The following DISP1 variants were observed in gnomAD, a reference collection of about 807,000 sequenced individuals.
DISP1 encodes the protein protein dispatched homolog 1.
In DISP1, 30 loss-of-function variants were observed where a neutral mutation model predicts 37.3. That is an observed-to-expected ratio of 0.80 (90% CI 0.60 to 1.09). The LOEUF (loss-of-function observed/expected upper bound fraction) is 1.09, where lower values mean the gene tolerates loss of function less well. Among genes scored for constraint, DISP1 ranks in the 50% least tolerant of loss-of-function variants. The probability of loss-of-function intolerance (pLI) is 0.00; values close to 1 mark genes in which losing one functional copy is unlikely to be tolerated. For synonymous variants in DISP1, 634 were observed against 690.2 expected, an observed-to-expected ratio of 0.92 and a Z score of 1.28; for missense variants, 1,598 against 1,879.5, an observed-to-expected ratio of 0.85 and a Z score of 2.77.
At chr1:222,825,667 A>AT (rs1287844677) in intron 1 of DISP1, among the ~76,000 whole-genome samples, 17 of 151,654 alleles carry the variant, frequency 1.1e-4, no homozygotes, top group African/African-American at 3.4e-4. Context: ...CACCTGGCTA[A>AT]TTTTTTTGTA....
intron 1 of DISP1, chr1:222,823,915 G>A (rs901856959): frequency 6.6e-6 from 1 of 150,920 alleles, no homozygotes; most frequent in Non-Finnish European, 1.5e-5. Context: ...ATAATGGGAG[G>A]AGACAGGACC....
chr1:222,918,822 A>C (rs1449758702), intron 1 of DISP1, among the ~76,000 whole-genome samples: 1 of 152,234 alleles, frequency 6.6e-6, no homozygotes, highest in African/African-American at 2.4e-5. Context: ...CCCCGGGGTA[A>C]TTAACCAAAG....
chr1:222,936,618 T>G (rs1161696231), intron 2 of DISP1, among the ~76,000 whole-genome samples: 10 of 100,568 alleles, frequency 9.9e-5, no homozygotes, highest in South Asian at 3.1e-4. Flanking sequence ...ATATATGAGA[T>G]ATATATATCT....
At chr1:222,944,110 A>G (rs1180660987) in intron 3 of DISP1, among the ~76,000 whole-genome samples, 3 of 152,302 alleles carry the variant, frequency 2.0e-5, no homozygotes, top group East Asian at 1.9e-4. Flanking sequence ...CAACATTTCT[A>G]TTCCTGTGTT....
At chr1:222,862,341 G>A (rs754883017) in intron 1 of DISP1, among the ~76,000 whole-genome samples, 1 of 152,002 alleles carries the variant, frequency 6.6e-6, no homozygotes, top group Non-Finnish European at 1.5e-5. Context: ...AGAATCAGTT[G>A]TTGCCATTAC....
chr1:222,878,303 G>A (rs1009680359), intron 1 of DISP1, among the ~76,000 whole-genome samples: 1 of 152,034 alleles, frequency 6.6e-6, no homozygotes, highest in Non-Finnish European at 1.5e-5. Flanking sequence ...ATTCTTTTTT[G>A]CCAATAACTG....
intron 2 of DISP1, among the ~76,000 whole-genome samples, chr1:222,939,837 A>G (rs1347815277): frequency 1.3e-5 from 2 of 151,762 alleles, no homozygotes; most frequent in Non-Finnish European, 2.9e-5. Context: ...TGTCAAAAAA[A>G]AAAAAAGGCC....
intron 1 of DISP1, among the ~76,000 whole-genome samples, chr1:222,848,936 T>G (rs1010165918): frequency 6.6e-6 from 1 of 152,146 alleles, no homozygotes; most frequent in Admixed American, 6.6e-5. Flanking sequence ...TGTCCCAAAG[T>G]GCTTGATTGT....
intron 1 of DISP1, among the ~76,000 whole-genome samples, chr1:222,822,730 T>C (rs1418571958): frequency 6.6e-6 from 1 of 152,244 alleles, no homozygotes; most frequent in Non-Finnish European, 1.5e-5. Context: ...CAGTGAGACA[T>C]GCTGGCAAAT....
chr1:222,869,798 T>C (rs1396632529), intron 1 of DISP1, among the ~76,000 whole-genome samples: 1 of 152,144 alleles, frequency 6.6e-6, no homozygotes, highest in African/African-American at 2.4e-5. Flanking sequence ...TTTTTAATAT[T>C]ATTATTATAC....
In DISP1 at chr1:222,885,590, T is replaced by G. The variant is rs538871059; in HGVS notation, c.-158-42840T>G. On this transcript the variant is annotated intron_variant, in intron 1 of 8. Coordinates refer to ENST00000675850, the MANE Select transcript of DISP1 (RefSeq NM_001377229.1). Reference sequence around the variant, plus strand: ...CTCAAGTGATCCTCCTGCCTCAGCCTCCCCAAGTGTTGTGGTATGCACTAC... The same window carrying G: ...CTCAAGTGATCCTCCTGCCTCAGCCGCCCCAAGTGTTGTGGTATGCACTAC... Among the ~76,000 whole-genome samples the G allele has an allele frequency of 4.6e-5, 7 of 151,734 alleles. No individual in the cohort carries two copies. The South Asian group carries it at 1.5e-3, about 32-fold the overall frequency.
chr1:222,977,176 T>C (rs1050221696), intron 3 of DISP1, among the ~76,000 whole-genome samples: 2 of 150,746 alleles, frequency 1.3e-5, no homozygotes, highest in Non-Finnish European at 3.0e-5. Flanking sequence ...ATTACATGCA[T>C]GCACCACCAT....
chr1:222,908,192 G>A (rs1166587704), intron 1 of DISP1, among the ~76,000 whole-genome samples: 1 of 152,060 alleles, frequency 6.6e-6, no homozygotes, highest in Non-Finnish European at 1.5e-5. Context: ...AATCAGAACA[G>A]TACACTTTCA....
At chr1:222,904,751 A>G (rs1442615237) in intron 1 of DISP1, among the ~76,000 whole-genome samples, 2 of 152,014 alleles carry the variant, frequency 1.3e-5, no homozygotes, top group Admixed American at 1.3e-4. Flanking sequence ...TGTTTTTAGT[A>G]GAGACGGGGT....
chr1:222,909,653 G>A (rs759189683), intron 1 of DISP1, among the ~76,000 whole-genome samples: 1 of 152,154 alleles, frequency 6.6e-6, no homozygotes, highest in Non-Finnish European at 1.5e-5. Context: ...GCAACAAAAG[G>A]ATATAAAAGA....
At chr1:222,936,898 TTATA>T (rs1162897428) in intron 2 of DISP1, among the ~76,000 whole-genome samples, 1 of 38,860 alleles carries the variant, frequency 2.6e-5, no homozygotes, top group Non-Finnish European at 5.2e-5. Context: ...AATATATTAT[TTATA>T]TATAATATAT....
intron 3 of DISP1, among the ~76,000 whole-genome samples, chr1:222,948,403 TC>T (rs1674952295): frequency 6.6e-6 from 1 of 152,242 alleles, no homozygotes; most frequent in Non-Finnish European, 1.5e-5. Context: ...AATGTGCTCT[TC>T]GATAGAGCTG....
chr1:223,004,928 T>G lies in DISP1; in HGVS notation c.3531T>G (p.His1177Gln). 3.1e-6 allele frequency: 5 copies of G among 1,612,396 alleles called. No homozygotes were observed. Among genetic ancestry groups the G allele is most frequent in the Non-Finnish European group, 4.2e-6 (5 of 1,179,994 alleles). The change falls in exon 9 of 9, where the codon CAT becomes CAG. Residue 1177 changes from histidine to glutamine, a missense_variant. Physicochemically the swap from His to Gln is conservative, Grantham distance 24. Transcript: ENST00000675850. The surrounding 1 kb of genome is among the most constrained non-coding windows in gnomAD (Gnocchi z 4.9). ...AAACACATACCATAAATGCTTATCA[T>G]TTAGATCCCAGGGGCCCAAAATCTG... ...QSKTHTINAY[H>Q]LDPRGPKSEL...
chr1:222,992,864 A>ATTTTTTTTTTTTTTTTTTTTT (rs71178523), intron 7 of DISP1, among the ~76,000 whole-genome samples: 1 of 118,598 alleles, frequency 8.4e-6, no homozygotes, highest in Non-Finnish European at 1.7e-5. Flanking sequence ...AAAACCCAGA[A>ATTTTTTTTTTTTTTTTTTTTT]TTTTTTTTTT....
Sources: gnomAD v4.1 joint callset for allele counts (sites outside exome capture counted in the v4.1 genomes callset) on GRCh38, gnomAD v4.1.1 for gene constraint, Gnocchi (gnomAD v3.1) non-coding constraint, MANE v1.5 for transcripts, NCBI Gene and HGNC (gene_info 2026-07-23, HGNC 2026-07-21) for gene names.